ARSB: variants seen among roughly 807,000 people sequenced by gnomAD.
ARSB encodes arylsulfatase B.
ARSB carries 41 observed loss-of-function variants against 50.9 expected under a neutral mutation model. The ratio of observed to expected loss-of-function variants is 0.81; its 90% CI spans 0.63 to 1.04. The LOEUF is 1.04. Ranked by LOEUF, ARSB falls within the 50% of genes least tolerant of loss-of-function variation. ARSB has a pLI of 0.00. For synonymous variants in ARSB, 269 were observed against 284.8 expected, an observed-to-expected ratio of 0.94 and a Z score of 0.56; for missense variants, 672 against 693.3, an observed-to-expected ratio of 0.97 and a Z score of 0.35.
intron 4 of ARSB, among the ~76,000 whole-genome samples, chr5:78,933,572 G>T (rs1195047004): frequency 6.6e-6 from 1 of 152,168 alleles, no homozygotes; most frequent in Admixed American, 6.5e-5. Flanking sequence ...CTGCCTTGTG[G>T]ATGGGGACAC....
intron 6 of ARSB, among the ~76,000 whole-genome samples, chr5:78,788,828 C>T (rs960135196): frequency 6.6e-6 from 1 of 152,100 alleles, no homozygotes; most frequent in African/African-American, 2.4e-5. Flanking sequence ...TAATTGTTTC[C>T]CTACGTTACC....
intron 6 of ARSB, among the ~76,000 whole-genome samples, chr5:78,824,953 C>T (rs1195372152): frequency 6.6e-6 from 1 of 152,150 alleles, no homozygotes; most frequent in Non-Finnish European, 1.5e-5. Context: ...GCATTTTTCT[C>T]TCACTTGCTT....
chr5:78,780,429 T>C lies in ARSB; in HGVS notation c.1570A>G (p.Lys524Glu), dbSNP rs372022710. ...CAAGGGCCCCACACCCCAGTGGCCTTGGGATCACAGCGGGGGTCCTGTGCA... is the reference window on the plus strand; with the variant it reads ...CAAGGGCCCCACACCCCAGTGGCCTCGGGATCACAGCGGGGGTCCTGTGCA... ...FPAQDPRCDP[K>E]ATGVWGPWM is the part of the protein sequence containing the mutation. The change falls in exon 8 of 8, where the codon AAG (lysine) becomes GAG (glutamate). Residue 524 changes from lysine (K) to glutamate (E), a missense_variant. Lys to Glu is a moderately conservative substitution (Grantham distance 56, BLOSUM62 1). Transcript: ENST00000264914. The C allele has an allele frequency of 4.0e-5, 65 of 1,613,990 alleles. No homozygotes were observed. The highest frequency in any genetic ancestry group is 5.4e-5 in the Non-Finnish European group (64 of 1,180,008).
chr5:78,781,361 T>C (rs1253302604), intron 7 of ARSB, among the ~76,000 whole-genome samples: 1 of 121,162 alleles, frequency 8.3e-6, no homozygotes, highest in Non-Finnish European at 1.6e-5. Flanking sequence ...TTAGGACGAG[T>C]AGGTTAAACC....
intron 5 of ARSB, among the ~76,000 whole-genome samples, chr5:78,847,332 G>A (rs1359408573): frequency 1.3e-5 from 2 of 152,008 alleles, no homozygotes; most frequent in East Asian, 1.9e-4. Context: ...TCCCTCTGCT[G>A]CCCAGGCTGG....
chr5:78,887,591 C>T lies in ARSB; in HGVS notation c.899-1764G>A, dbSNP rs560592926. Among the ~76,000 whole-genome samples, 20 of 152,330 alleles carry T rather than the reference C, an allele frequency of 1.3e-4. No homozygotes were observed. In the South Asian group the frequency reaches 3.9e-3, roughly 30 times the overall value. ...TTTCTTGGCAGGGTACCTGACACAA[C>T]CTAAGTGCTCAATACATGGTAGTAA... On this transcript the variant is annotated intron_variant, in intron 4 of 7. Transcript: ENST00000264914.
At chr5:78,922,213 G>T (rs1205389875) in intron 4 of ARSB, among the ~76,000 whole-genome samples, 4 of 146,994 alleles carry the variant, frequency 2.7e-5, no homozygotes, top group Non-Finnish European at 4.5e-5. Context: ...GGGGGGGGAG[G>T]AGGGGGCACG....
intron 4 of ARSB, among the ~76,000 whole-genome samples, chr5:78,903,006 C>G (rs1184014842): frequency 6.6e-6 from 1 of 152,110 alleles, no homozygotes; most frequent in Non-Finnish European, 1.5e-5. Flanking sequence ...AACCATAAAA[C>G]TTTTATAGAA....
chr5:78,829,227 G>A (rs771163098), intron 6 of ARSB, among the ~76,000 whole-genome samples: 1 of 152,208 alleles, frequency 6.6e-6, no homozygotes, highest in Non-Finnish European at 1.5e-5. Context: ...TAGAGTGATG[G>A]TTAAGTATTG....
intron 4 of ARSB, among the ~76,000 whole-genome samples, chr5:78,900,713 A>T (rs771506113): frequency 6.6e-6 from 1 of 152,116 alleles, no homozygotes; most frequent in Non-Finnish European, 1.5e-5. Flanking sequence ...GAAATCCTGC[A>T]TTCCTTGATT....
chr5:78,809,519 G>A (rs1220065202), intron 6 of ARSB, among the ~76,000 whole-genome samples: 1 of 152,222 alleles, frequency 6.6e-6, no homozygotes, highest in Non-Finnish European at 1.5e-5. Flanking sequence ...GATGATCCTG[G>A]AGCACGTTCA....
intron 1 of ARSB, among the ~76,000 whole-genome samples, chr5:78,983,630 G>C (rs1309705269): frequency 6.6e-6 from 1 of 152,144 alleles, no homozygotes; most frequent in East Asian, 1.9e-4. Flanking sequence ...ACCGCCAAAA[G>C]TACTAAGGTG....
intron 4 of ARSB, among the ~76,000 whole-genome samples, chr5:78,931,313 T>C (rs1482012104): frequency 6.6e-6 from 1 of 152,246 alleles, no homozygotes; most frequent in East Asian, 1.9e-4. Flanking sequence ...GAGATGAGTA[T>C]AAACAATGCA....
chr5:78,904,633 C>A (rs1198660824), intron 4 of ARSB, among the ~76,000 whole-genome samples: 1 of 148,770 alleles, frequency 6.7e-6, no homozygotes, highest in Admixed American at 6.7e-5. Context: ...CACTGTTTTT[C>A]TTCCTTTTTT....
intron 4 of ARSB, among the ~76,000 whole-genome samples, chr5:78,953,273 T>C (rs1751562860): frequency 6.6e-6 from 1 of 152,226 alleles, no homozygotes; most frequent in Admixed American, 6.5e-5. Context: ...TGCTATACCA[T>C]GAGGTCCTAT....
chr5:78,863,851 T>C (rs1158683142), intron 5 of ARSB, among the ~76,000 whole-genome samples: 1 of 152,076 alleles, frequency 6.6e-6, no homozygotes, highest in Non-Finnish European at 1.5e-5. Context: ...ACCATATCTA[T>C]AATGTTTTAT....
intron 6 of ARSB, chr5:78,815,827 C>G (rs1274062718): frequency 3.0e-6 from 4 of 1,327,594 alleles, no homozygotes; most frequent in Non-Finnish European, 2.9e-6. Context: ...AATGAATTCT[C>G]ATCTTCAAAG....
intron 6 of ARSB, among the ~76,000 whole-genome samples, chr5:78,813,190 A>C (rs1743879212): frequency 6.6e-6 from 1 of 151,480 alleles, no homozygotes; most frequent in African/African-American, 2.4e-5. Flanking sequence ...TCAGCCTCCC[A>C]GGTAGCTGGG....
chr5:78,917,000 C>T (rs577278113), intron 4 of ARSB, among the ~76,000 whole-genome samples: 1 of 152,210 alleles, frequency 6.6e-6, no homozygotes, highest in South Asian at 2.1e-4. Flanking sequence ...GAGAGAATTC[C>T]CACTGTGGTG....
Sources: gnomAD v4.1 joint callset for allele counts (sites outside exome capture counted in the v4.1 genomes callset) on GRCh38, gnomAD v4.1.1 for gene constraint, MANE v1.5 for transcripts, NCBI Gene and HGNC (gene_info 2026-07-23, HGNC 2026-07-21) for gene names.